CWC22: variants seen among roughly 807,000 people sequenced by gnomAD.
CWC22 encodes the protein CWC22 spliceosome associated protein.
CWC22 carries 53 observed loss-of-function variants against 117.2 expected under a neutral mutation model. The ratio of observed to expected loss-of-function variants is 0.45; its 90% CI spans 0.36 to 0.57. CWC22 has a LOEUF of 0.57. CWC22 is among the 20% of genes least tolerant of loss of function. CWC22 has a pLI of 0.00. For synonymous variants in CWC22, 360 were observed against 355.6 expected, an observed-to-expected ratio of 1.01 and a Z score of -0.14; for missense variants, 980 against 1,068.8, an observed-to-expected ratio of 0.92 and a Z score of 1.16.
At chr2:179,961,859 T>A (rs186891373) in intron 13 of CWC22, among the ~76,000 whole-genome samples, 2 of 152,216 alleles carry the variant, frequency 1.3e-5, no homozygotes, top group Non-Finnish European at 2.9e-5. Flanking sequence ...CATCTTAGGT[T>A]GCTAAACCAA....
At chr2:180,002,257 C>T (rs1687866469) in intron 1 of CWC22, among the ~76,000 whole-genome samples, 1 of 152,222 alleles carries the variant, frequency 6.6e-6, no homozygotes, top group East Asian at 1.9e-4. Flanking sequence ...CTTTTCCTTA[C>T]TCCCTGTAAG....
chr2:179,961,287 C>A (rs1324948596), intron 13 of CWC22, among the ~76,000 whole-genome samples: 1 of 151,750 alleles, frequency 6.6e-6, no homozygotes, highest in Non-Finnish European at 1.5e-5. Context: ...ATGACCACAC[C>A]CTTACTTTTG....
At chr2:179,963,504 G>A (rs1407940634) in intron 13 of CWC22, among the ~76,000 whole-genome samples, 5 of 150,714 alleles carry the variant, frequency 3.3e-5, no homozygotes, top group African/African-American at 9.7e-5. Context: ...TACCACGCCC[G>A]GCTAATTTTT....
rs546921203 is a variant in CWC22 at position 179,950,989 on chromosome 2, T to C, written c.1818-63A>G. On this transcript the variant is annotated intron_variant, in intron 17 of 19. Transcript: ENST00000410053. ...CTTAAAGATAAAAAGGTAAAATCCT[T>C]AGTCATTTTTCAGATTTTTCATATA... 4 of 1,044,892 alleles carry C rather than the reference T, an allele frequency of 3.8e-6. No homozygotes were observed. The African/African-American group carries it at 4.9e-5, about 13-fold the overall frequency. The allele number at this position is 1,044,892 out of a possible 1,614,324, so 64.7% of individuals were successfully genotyped here.
intron 1 of CWC22, among the ~76,000 whole-genome samples, chr2:180,006,011 T>G (rs747802581): frequency 4.6e-5 from 7 of 152,354 alleles, no homozygotes; most frequent in Non-Finnish European, 7.3e-5. Context: ...ACACTTTTAA[T>G]GTCAATTTTA....
At chr2:179,974,828 T>G (rs1374687537) in intron 6 of CWC22, among the ~76,000 whole-genome samples, 1 of 152,184 alleles carries the variant, frequency 6.6e-6, no homozygotes, top group South Asian at 2.1e-4. Flanking sequence ...CTTGGCTCAC[T>G]GGAAGCTCTG....
At chr2:179,975,331 A>C (rs1428644558) in intron 6 of CWC22, among the ~76,000 whole-genome samples, 17 of 152,186 alleles carry the variant, frequency 1.1e-4, no homozygotes. Flanking sequence ...CCCATAGCTA[A>C]TATACTCAAC....
intron 7 of CWC22, 63 bp downstream of exon 7, chr2:179,973,571 G>A: frequency 9.4e-7 from 1 of 1,061,174 alleles, no homozygotes; most frequent in South Asian, 1.7e-5. Flanking sequence ...GCTTACTTTT[G>A]TTGATACTGG....
chr2:179,999,851 T>C (rs1274447052), intron 1 of CWC22, among the ~76,000 whole-genome samples: 1 of 152,060 alleles, frequency 6.6e-6, no homozygotes, highest in Non-Finnish European at 1.5e-5. Flanking sequence ...AGTTGCCCAA[T>C]GGGGAAAGTG....
rs59254022 is a variant in CWC22 at position 179,996,831 on chromosome 2, TA to T, written c.-113-3378del. ...AACAATTTTTAAAAGTGTTAAAAGA[TA>T]AAAAAAAAAGTTAACGTAGAATTCC... On this transcript the variant is annotated intron_variant, in intron 1 of 19. Transcript: ENST00000410053. 1.1e-3 allele frequency among the ~76,000 whole-genome samples: 162 copies of T among 148,794 alleles called. 3 individuals are homozygous for T. The East Asian group carries it at 0.028, about 26-fold the overall frequency.
chr2:179,982,668 G>A (rs1027250117), intron 4 of CWC22, among the ~76,000 whole-genome samples: 26 of 152,204 alleles, frequency 1.7e-4, no homozygotes, highest in African/African-American at 5.1e-4. Flanking sequence ...AATGTGGGGG[G>A]AAAAACTTTT....
chr2:179,950,777 A>T, intron 18 of CWC22, 45 bp from the exon 19 acceptor site: 1 of 1,600,530 alleles, frequency 6.2e-7, no homozygotes, highest in Non-Finnish European at 8.6e-7. Flanking sequence ...AAAGACAATT[A>T]TGAGATAATT....
chr2:179,955,074 A>C, intron 14 of CWC22, 40 bp from the exon 15 acceptor site: 1 of 1,328,804 alleles, frequency 7.5e-7, no homozygotes, highest in Non-Finnish European at 1.1e-6. Flanking sequence ...TCAAAACACA[A>C]AGAGACTAAA....
At chr2:179,998,540 T>C (rs1256903106) in intron 1 of CWC22, among the ~76,000 whole-genome samples, 1 of 152,094 alleles carries the variant, frequency 6.6e-6, no homozygotes, top group Non-Finnish European at 1.5e-5. Flanking sequence ...CCATATATTT[T>C]GTCCCAATGA....
intron 4 of CWC22, 70 bp downstream of exon 4, chr2:179,986,625 T>A (rs563714795): frequency 1.4e-5 from 12 of 870,290 alleles, no homozygotes; most frequent in Middle Eastern, 4.4e-4. Flanking sequence ...TTTGTTTTTA[T>A]TACAAATGTA....
At chr2:180,001,935 G>A (rs955154138) in intron 1 of CWC22, among the ~76,000 whole-genome samples, 4 of 152,144 alleles carry the variant, frequency 2.6e-5, no homozygotes, top group African/African-American at 9.7e-5. Context: ...CAACACTAGA[G>A]GCTCTCAATA....
At position 180,005,135 on chromosome 2, in the gene CWC22, T is replaced by C. The variant is rs151039942; in HGVS notation, c.-114+1732A>G. Among the ~76,000 whole-genome samples, 3 of 152,074 alleles carry C rather than the reference T, an allele frequency of 2.0e-5. No homozygotes were observed. In the East Asian group the frequency reaches 5.8e-4, roughly 29 times the overall value. On this transcript the variant is annotated intron_variant, in intron 1 of 19. Transcript: ENST00000410053. ...ACATTGCTAACAAGCTTCAAGGAGA[T>C]GATGCTGCTGATTCAGAAGACATTT...
At chr2:179,985,131 C>G (rs1687386197) in intron 4 of CWC22, among the ~76,000 whole-genome samples, 1 of 151,938 alleles carries the variant, frequency 6.6e-6, no homozygotes, top group Non-Finnish European at 1.5e-5. Flanking sequence ...TAACTAGTAA[C>G]TAAAACTTGA....
intron 14 of CWC22, among the ~76,000 whole-genome samples, chr2:179,957,019 T>C (rs945431906): frequency 1.4e-4 from 21 of 152,264 alleles, no homozygotes; most frequent in African/African-American, 5.1e-4. Flanking sequence ...TGAAAATAAA[T>C]GTACTAAGAT....
Sources: allele counts gnomAD v4.1 joint callset (sites outside exome capture counted in the v4.1 genomes callset), GRCh38; gene constraint gnomAD v4.1.1; transcripts MANE v1.5; gene names NCBI Gene and HGNC (gene_info 2026-07-23, HGNC 2026-07-21).